The following HDHD5 variants were observed in gnomAD, a reference collection of about 807,000 sequenced individuals.
HDHD5 encodes the protein haloacid dehalogenase like hydrolase domain containing 5.
HDHD5 carries 34 observed loss-of-function variants against 35.5 expected under a neutral mutation model. The observed-to-expected ratio is 0.96, with a 90% confidence interval of 0.73 to 1.28. The LOEUF is 1.28. Ranked by LOEUF, HDHD5 falls within the 50% of genes most tolerant of loss-of-function variation. The pLI, the probability that HDHD5 is intolerant of heterozygous loss-of-function variation, is 0.00. For synonymous variants in HDHD5, 248 were observed against 240.6 expected (o/e 1.03, Z -0.29); for missense variants, 589 against 560.2 (o/e 1.05, Z -0.52).
upstream of HDHD5, among the ~76,000 whole-genome samples, chr22:17,164,249 T>C (rs5748921): frequency 0.62 from 89,053 of 144,184 alleles, 27,315 homozygotes; most frequent in East Asian, 0.83. Context: ...AAAAAAGCAA[T>C]AGGTGAATGA....
upstream of HDHD5, among the ~76,000 whole-genome samples, chr22:17,160,379 G>T (rs555520403): frequency 6.6e-6 from 1 of 152,140 alleles, no homozygotes; most frequent in East Asian, 1.9e-4. Flanking sequence ...GGCCGGGTGC[G>T]GTGGCTCACA....
chr22:17,150,890 G>A (rs984453383), intron 1 of HDHD5, among the ~76,000 whole-genome samples: 29 of 152,162 alleles, frequency 1.9e-4, no homozygotes, highest in African/African-American at 6.3e-4. Context: ...TATTCTGAGT[G>A]AATAATTCAC....
intron 6 of HDHD5, among the ~76,000 whole-genome samples, chr22:17,139,284 T>A (rs566789561): frequency 1.3e-5 from 2 of 152,282 alleles, no homozygotes; most frequent in East Asian, 3.9e-4. Context: ...TCTTAGCACT[T>A]TGGGAGGCCA....
chr22:17,163,186 C>T (rs1400421448), upstream of HDHD5, among the ~76,000 whole-genome samples: 3 of 152,160 alleles, frequency 2.0e-5, no homozygotes, highest in African/African-American at 7.2e-5. Flanking sequence ...ACATGTTACT[C>T]GTGGGGTTTG....
chr22:17,159,474 G>A, upstream of HDHD5: 1 of 520,310 alleles, frequency 1.9e-6, no homozygotes, highest in South Asian at 1.5e-5. Flanking sequence ...CCGAGATCGC[G>A]GTGAGCTGGC....
At chr22:17,139,071 T>C (rs2061569436) in intron 6 of HDHD5, among the ~76,000 whole-genome samples, 1 of 152,196 alleles carries the variant, frequency 6.6e-6, no homozygotes, top group Non-Finnish European at 1.5e-5. Flanking sequence ...CGGTTGCGCT[T>C]CTCCCCTTCT....
chr22:17,165,183 C>T (rs1424532429), intron 1 of HDHD5: 1 of 773,488 alleles, frequency 1.3e-6, no homozygotes, highest in Non-Finnish European at 2.4e-6. Context: ...CCTCTCTCTA[C>T]CTGGGGAAGA....
At position 17,141,139 on chromosome 22, in the gene HDHD5, C is replaced by G. The variant is rs752823962; in HGVS notation, c.666G>C (p.Leu222=). ...LLSNGSPGAG[L]ATPPYPHLPV... The stretch of plus-strand genomic sequence containing the variant: ...GGAGGTGGGGGTAGGGGGGTGTTGC[C>G]AGGCCAGCCCCAGGGCTCCCATTGC... The change falls in exon 6 of 8, where the codon CTG becomes CTC. Residue 222 remains leucine (L), a synonymous_variant. Transcript: ENST00000336737. 2 of 1,594,026 alleles carry G rather than the reference C, an allele frequency of 1.3e-6. No individual in the cohort carries two copies.
intron 4 of HDHD5, among the ~76,000 whole-genome samples, chr22:17,144,398 C>T (rs1260787761): frequency 3.3e-5 from 5 of 150,632 alleles, no homozygotes; most frequent in African/African-American, 4.9e-5. Context: ...TATAGGCATG[C>T]GCCACCATAT....
rs769767833 is a variant in HDHD5, at chr22:17,138,785, C to G, written c.747-47G>C. 1.9e-5 allele frequency: 30 copies of G among 1,605,486 alleles called. No homozygotes were observed. In the Admixed American group the frequency reaches 4.5e-4, roughly 24 times the overall value. On this transcript the variant is annotated intron_variant, in intron 6 of 7. Coordinates refer to ENST00000336737, the MANE Select transcript of HDHD5 (RefSeq NM_033070.3). ...CAGTTCAGTCTTCCTGATCTCCAGG[C>G]TCTTCTAGAGAACACGACTGCCACT...
At chr22:17,151,880 A>G (rs1263695180) in intron 1 of HDHD5, among the ~76,000 whole-genome samples, 5 of 152,238 alleles carry the variant, frequency 3.3e-5, no homozygotes, top group African/African-American at 1.2e-4. Flanking sequence ...GCAAGTGCAA[A>G]TCAATTCTAG....
chr22:17,154,626 T>G lies in HDHD5; in HGVS notation c.126+4500A>C, dbSNP rs1056301702. Among the ~76,000 whole-genome samples, 270 of 151,034 alleles carry G rather than the reference T, an allele frequency of 1.8e-3. 1 individual carries two copies. The highest frequency in any genetic ancestry group is 5.9e-3 in the Admixed American group (90 of 15,212). ...GAATGTCCTTATTTTCTTTTTTTTT[T>G]TTTTTTGGTTGAGACAAGACAGGGT... On this transcript the variant is annotated intron_variant, in intron 1 of 7. Coordinates refer to ENST00000336737, the MANE Select transcript of HDHD5 (RefSeq NM_033070.3).
chr22:17,140,655 A>G (rs2061589520), intron 6 of HDHD5, among the ~76,000 whole-genome samples: 1 of 152,190 alleles, frequency 6.6e-6, no homozygotes, highest in African/African-American at 2.4e-5. Flanking sequence ...GAAGGGTAAA[A>G]GGAAACCAGA....
At chr22:17,152,720 A>G (rs1158524222) in intron 1 of HDHD5, among the ~76,000 whole-genome samples, 15 of 152,102 alleles carry the variant, frequency 9.9e-5, no homozygotes, top group Middle Eastern at 3.2e-3. Context: ...TGCCAGCAAA[A>G]GACAGTGCAA....
chr22:17,154,438 C>T (rs1173237207), intron 1 of HDHD5, among the ~76,000 whole-genome samples: 3 of 151,314 alleles, frequency 2.0e-5, no homozygotes, highest in Non-Finnish European at 4.4e-5. Context: ...AAGATCACAT[C>T]GTTGCACTCC....
intron 2 of HDHD5, 24 bp from the exon 3 acceptor site, chr22:17,148,584 G>C: frequency 1.3e-6 from 2 of 1,536,976 alleles, no homozygotes; most frequent in Non-Finnish European, 1.8e-6. Context: ...CAAGACAGGG[G>C]AGGGCAGAGG....
upstream of HDHD5, among the ~76,000 whole-genome samples, chr22:17,161,938 G>C (rs2061866143): frequency 6.6e-6 from 1 of 151,958 alleles, no homozygotes; most frequent in Non-Finnish European, 1.5e-5. Flanking sequence ...TTGAGTGTGG[G>C]CTGGACTTCA....
At chr22:17,163,821 G>A (rs1008944656), upstream of HDHD5, among the ~76,000 whole-genome samples, 1 of 152,188 alleles carries the variant, frequency 6.6e-6, no homozygotes, top group East Asian at 1.9e-4. Flanking sequence ...GTACAAGCTC[G>A]ATGCCCTGGA....
intron 1 of HDHD5, among the ~76,000 whole-genome samples, chr22:17,157,889 T>C (rs1380879962): frequency 6.6e-6 from 1 of 152,248 alleles, no homozygotes; most frequent in Non-Finnish European, 1.5e-5. Context: ...GCTTAACCTC[T>C]CTGTGCCTCT....
Sources: allele counts gnomAD v4.1 joint callset (sites outside exome capture counted in the v4.1 genomes callset), GRCh38; gene constraint gnomAD v4.1.1; transcripts MANE v1.5; gene names NCBI Gene and HGNC (gene_info 2026-07-23, HGNC 2026-07-21).